ATP9B: variants seen among roughly 807,000 people sequenced by gnomAD.
ATP9B encodes the protein ATPase phospholipid transporting 9B.
A neutral mutation model predicts 146.1 loss-of-function variants in ATP9B; 110 were observed. The ratio of observed to expected loss-of-function variants is 0.75; its 90% CI spans 0.65 to 0.88. ATP9B has a LOEUF of 0.88. Ranked by LOEUF, ATP9B falls within the 40% of genes least tolerant of loss-of-function variation. ATP9B has a pLI of 0.00. For missense variants in ATP9B, 1,499 were observed against 1,496.4 expected (o/e 1.00, Z -0.03); for synonymous variants, 604 against 569.7 (o/e 1.06, Z -0.86).
Position 79,377,301 on chromosome 18 carries a change from T to C in ATP9B, c.3362T>C (p.Val1121Ala). 1.2e-6 allele frequency: 2 copies of C among 1,612,592 alleles called. No individual in the cohort carries two copies. The highest frequency in any genetic ancestry group is 1.7e-6 in the Non-Finnish European group (2 of 1,180,004). ...TFLWKVSAIT[V>A]VSCLPLYVLK... is the part of the protein sequence containing the mutation. The stretch of plus-strand genomic sequence containing the variant: ...CTGTGGAAAGTGTCGGCGATCACCG[T>C]GGTCAGCTGCCTCCCGCTGTATGTC... Residue 1121 changes from valine (V) to alanine (A), a missense_variant, in exon 30 of 30, where the codon GTG (valine) becomes GCG (alanine). By Grantham distance (64) the Val-to-Ala change is moderately conservative (BLOSUM62 0). Coordinates refer to ENST00000426216, the MANE Select transcript of ATP9B (RefSeq NM_198531.5).
chr18:79,164,683 C>T (rs918310166), intron 7 of ATP9B, among the ~76,000 whole-genome samples: 1 of 152,258 alleles, frequency 6.6e-6, no homozygotes, highest in East Asian at 1.9e-4. Flanking sequence ...CGCGCCACTG[C>T]ACTCCAGGCT....
chr18:79,313,350 A>G (rs1300977220), intron 15 of ATP9B, among the ~76,000 whole-genome samples: 2 of 152,210 alleles, frequency 1.3e-5, no homozygotes, highest in South Asian at 2.1e-4. Context: ...TGAGACAAAC[A>G]CAGGTCATGA....
chr18:79,329,913 G>A (rs2096781026), intron 16 of ATP9B, 99 bp from the exon 17 acceptor site: 18 of 1,079,128 alleles, frequency 1.7e-5, no homozygotes, highest in African/African-American at 3.1e-5. Context: ...CACATTCATA[G>A]GAATTGCTTT....
intron 1 of ATP9B, among the ~76,000 whole-genome samples, chr18:79,072,002 C>T (rs1369541964): frequency 6.7e-6 from 1 of 149,688 alleles, no homozygotes; most frequent in East Asian, 2.0e-4. Context: ...ACTCTCTTCT[C>T]TCCATTTGGA....
intron 19 of ATP9B, chr18:79,340,108 G>A (rs62096820): frequency 0.22 from 34,031 of 152,000 alleles, 4,610 homozygotes; most frequent in East Asian, 0.52. Context: ...ATGAATGAGC[G>A]AGCATATGAC....
intron 7 of ATP9B, among the ~76,000 whole-genome samples, chr18:79,157,207 T>TACACACACACACACAC (rs147810207): frequency 1.6e-4 from 21 of 135,326 alleles, no homozygotes; most frequent in African/African-American, 5.4e-4. Context: ...CTAAAAAAAA[T>TACACACACACACACAC]ACACACACAC....
intron 6 of ATP9B, among the ~76,000 whole-genome samples, chr18:79,151,046 C>T (rs1188311041): frequency 2.0e-5 from 3 of 152,140 alleles, no homozygotes; most frequent in African/African-American, 4.8e-5. Flanking sequence ...TCAGTGTTAC[C>T]CCTCTCAAAA....
At chr18:79,201,792 CTAG>C (rs2095491001) in intron 9 of ATP9B, among the ~76,000 whole-genome samples, 1 of 152,078 alleles carries the variant, frequency 6.6e-6, no homozygotes, top group South Asian at 2.1e-4. Flanking sequence ...AACTCCTGAC[CTAG>C]TGATCCACCC....
chr18:79,176,322 G>C (rs1279332934), intron 7 of ATP9B, among the ~76,000 whole-genome samples: 1 of 152,206 alleles, frequency 6.6e-6, no homozygotes, highest in Non-Finnish European at 1.5e-5. Context: ...TTTGAAACTG[G>C]ATAGGCCTGA....
chr18:79,338,532 G>A (rs1342708607), intron 19 of ATP9B, among the ~76,000 whole-genome samples: 4 of 152,156 alleles, frequency 2.6e-5, no homozygotes, highest in African/African-American at 9.7e-5. Flanking sequence ...TATGGTGTCC[G>A]TGAAATTCGA....
chr18:79,290,421 G>T (rs539128741), intron 13 of ATP9B, among the ~76,000 whole-genome samples: 5 of 152,224 alleles, frequency 3.3e-5, no homozygotes, highest in Non-Finnish European at 5.9e-5. Context: ...CTCCGAGCCA[G>T]GTGCGGGATA....
chr18:79,204,135 G>A (rs1159872788), intron 9 of ATP9B, among the ~76,000 whole-genome samples: 2 of 152,298 alleles, frequency 1.3e-5, no homozygotes, highest in East Asian at 3.9e-4. Flanking sequence ...TTTACTCTGA[G>A]CAGCTACTTT....
At chr18:79,269,216 G>T (rs1431011900) in intron 12 of ATP9B, among the ~76,000 whole-genome samples, 1 of 152,174 alleles carries the variant, frequency 6.6e-6, no homozygotes, top group African/African-American at 2.4e-5. Flanking sequence ...CCCCACGCGG[G>T]ACATGAGGTC....
intron 13 of ATP9B, 113 bp downstream of exon 13, chr18:79,277,309 A>G (rs1166860420): frequency 5.3e-6 from 7 of 1,323,210 alleles, no homozygotes; most frequent in African/African-American, 1.5e-5. Context: ...ATGTATTGGA[A>G]CAGATCATTG....
chr18:79,146,927 A>G (rs1323844271), intron 6 of ATP9B: 1 of 152,318 alleles, frequency 6.6e-6, no homozygotes, highest in Admixed American at 6.5e-5. Context: ...ATAAAAAACA[A>G]AAAAACCAAG....
At chr18:79,165,711 C>G (rs1403812457) in intron 7 of ATP9B, among the ~76,000 whole-genome samples, 1 of 152,098 alleles carries the variant, frequency 6.6e-6, no homozygotes, top group African/African-American at 2.4e-5. Context: ...TACTCTAAGC[C>G]CATGCAGCCA....
chr18:79,149,872 A>G (rs2094655448), intron 6 of ATP9B, among the ~76,000 whole-genome samples: 1 of 152,028 alleles, frequency 6.6e-6, no homozygotes, highest in African/African-American at 2.4e-5. Flanking sequence ...CACAAGGTCA[A>G]GAGATCAAGA....
intron 8 of ATP9B, among the ~76,000 whole-genome samples, chr18:79,187,688 A>G (rs2095321284): frequency 6.6e-6 from 1 of 152,134 alleles, no homozygotes; most frequent in African/African-American, 2.4e-5. Flanking sequence ...TTCTCAGAGG[A>G]CTGTGCTGCC....
chr18:79,254,218 T>G (rs891632670), intron 12 of ATP9B: 8 of 152,344 alleles, frequency 5.3e-5, no homozygotes, highest in Non-Finnish European at 1.2e-4. Context: ...ATCTACCTTT[T>G]GTAACAGAGA....
Sources: gnomAD v4.1 joint callset for allele counts (sites outside exome capture counted in the v4.1 genomes callset) on GRCh38, gnomAD v4.1.1 for gene constraint, MANE v1.5 for transcripts, NCBI Gene and HGNC (gene_info 2026-07-23, HGNC 2026-07-21) for gene names.